The following SLAIN2 variants were observed in gnomAD, a reference collection of about 807,000 sequenced individuals.
SLAIN2 encodes the protein SLAIN family member 2.
Under a neutral mutation model 56.6 loss-of-function variants are expected in SLAIN2, and 31 were observed. The observed-to-expected ratio is 0.55, with a 90% CI of 0.41 to 0.74. The LOEUF is 0.74. Among genes scored for constraint, SLAIN2 ranks in the 30% least tolerant of loss-of-function variants. SLAIN2 has a pLI of 0.00. For synonymous variants in SLAIN2, 317 were observed against 284.9 expected, an observed-to-expected ratio of 1.11 and a Z score of -1.13; for missense variants, 777 against 754.2, an observed-to-expected ratio of 1.03 and a Z score of -0.35.
chr4:48,398,132 T>G (rs1716455923), intron 6 of SLAIN2, among the ~76,000 whole-genome samples: 1 of 152,190 alleles, frequency 6.6e-6, no homozygotes, highest in Admixed American at 6.5e-5. Context: ...ACCAGCAGTC[T>G]AAGTGTTCCT....
chr4:48,420,953 TG>T (rs1717130641), intron 7 of SLAIN2, among the ~76,000 whole-genome samples: 1 of 152,146 alleles, frequency 6.6e-6, no homozygotes, highest in Admixed American at 6.6e-5. Flanking sequence ...AGATCTGTTA[TG>T]AGGCCCAGAA....
At chr4:48,391,740 G>A (rs551825627) in intron 6 of SLAIN2, among the ~76,000 whole-genome samples, 10 of 152,272 alleles carry the variant, frequency 6.6e-5, no homozygotes, top group African/African-American at 2.4e-4. Context: ...TTATTTAGGA[G>A]ACAACAGGAA....
chr4:48,418,677 G>C (rs1008953161), intron 6 of SLAIN2, among the ~76,000 whole-genome samples: 34 of 152,046 alleles, frequency 2.2e-4, no homozygotes, highest in African/African-American at 8.2e-4. Flanking sequence ...AATGAATTGG[G>C]ACATGTTCTT....
At position 48,422,102 on chromosome 4, in the gene SLAIN2, T is replaced by C. The variant is rs756687611; in HGVS notation, c.*25T>C. ...ACCAGCAAAGACAAGAATGCAGAAG[T>C]CCACGGCTTCATGGATACCCTTCAC... On this transcript the variant is annotated 3_prime_UTR_variant, in exon 8 of 8. Coordinates refer to ENST00000264313, the MANE Select transcript of SLAIN2 (RefSeq NM_020846.2). The C allele has an allele frequency of 6.3e-7, 1 of 1,593,104 alleles. No individual in the cohort carries two copies. The highest frequency in any genetic ancestry group is 1.1e-5 in the South Asian group (1 of 88,302).
At chr4:48,374,927 G>A (rs1715764677) in intron 2 of SLAIN2, among the ~76,000 whole-genome samples, 1 of 152,202 alleles carries the variant, frequency 6.6e-6, no homozygotes, top group Admixed American at 6.5e-5. Flanking sequence ...AAGATCATGA[G>A]TTGATCTTAT....
At chr4:48,403,106 G>C (rs945815365) in intron 6 of SLAIN2, among the ~76,000 whole-genome samples, 6 of 152,198 alleles carry the variant, frequency 3.9e-5, no homozygotes, top group African/African-American at 1.4e-4. Context: ...TCCGTCCCAG[G>C]GGGACACTGA....
At chr4:48,364,796 G>T (rs1715464054) in intron 1 of SLAIN2, among the ~76,000 whole-genome samples, 1 of 142,308 alleles carries the variant, frequency 7.0e-6, no homozygotes, top group African/African-American at 2.6e-5. Flanking sequence ...GGAGGTTGCA[G>T]TGTGCCGAGA....
Position 48,426,147 on chromosome 4 carries a change from T to G in SLAIN2, c.*4070T>G, listed in dbSNP as rs1717292601. 1 of 142,224 alleles carries G rather than the reference T, an allele frequency of 7.0e-6. No individual in the cohort carries two copies. The highest frequency in any genetic ancestry group is 1.6e-5 in the Non-Finnish European group (1 of 63,818). 8.8% of individuals were successfully genotyped at this position (142,224 alleles called of 1,614,324 possible). A position where few individuals can be genotyped will look rare whatever the true frequency, so the allele number is the denominator to read the frequency against. ...ATGTTAAGTGGAAGGGTAGAAGGTC[T>G]TTTTTTTTTTAAGGAGAAAATGTTT... On this transcript the variant is annotated 3_prime_UTR_variant, in exon 8 of 8. Transcript: ENST00000264313.
chr4:48,352,946 G>C (rs535161724), intron 1 of SLAIN2, among the ~76,000 whole-genome samples: 2 of 152,072 alleles, frequency 1.3e-5, no homozygotes, highest in African/African-American at 4.8e-5. Context: ...GTTAACTCTC[G>C]CAAGATCTGA....
chr4:48,385,053 G>A (rs1213500879), intron 6 of SLAIN2, among the ~76,000 whole-genome samples: 1 of 152,116 alleles, frequency 6.6e-6, no homozygotes, highest in Non-Finnish European at 1.5e-5. Flanking sequence ...TGAGACTGTT[G>A]AATTAAGGAA....
chr4:48,368,758 G>A (rs1012844560), intron 1 of SLAIN2, among the ~76,000 whole-genome samples: 2 of 152,122 alleles, frequency 1.3e-5, no homozygotes, highest in African/African-American at 4.8e-5. Context: ...AATTTGGATT[G>A]TAGACTAAAG....
At chr4:48,400,388 C>CTTTTTTTT (rs3081372) in intron 6 of SLAIN2, among the ~76,000 whole-genome samples, 2 of 96,444 alleles carry the variant, frequency 2.1e-5, no homozygotes, top group African/African-American at 4.3e-5. Flanking sequence ...TTTGATTCTT[C>CTTTTTTTT]TTTTTTTTTT....
At chr4:48,365,357 C>G (rs1715485582) in intron 1 of SLAIN2, among the ~76,000 whole-genome samples, 1 of 143,994 alleles carries the variant, frequency 6.9e-6, no homozygotes, top group Non-Finnish European at 1.5e-5. Flanking sequence ...GTAATCCTAG[C>G]TACTCGGGAG....
At chr4:48,348,810 A>G (rs1400506607) in intron 1 of SLAIN2, among the ~76,000 whole-genome samples, 1 of 152,150 alleles carries the variant, frequency 6.6e-6, no homozygotes, top group Non-Finnish European at 1.5e-5. Context: ...CATTTCTCTG[A>G]ATATCCTCAG....
At chr4:48,383,573 T>G in intron 5 of SLAIN2, 74 bp from the exon 6 acceptor site, 1 of 1,283,474 alleles carries the variant, frequency 7.8e-7, no homozygotes, top group East Asian at 2.6e-5. Context: ...ATTTGATTTT[T>G]GAATGCTAGT....
intron 1 of SLAIN2, among the ~76,000 whole-genome samples, chr4:48,368,513 TTTA>T (rs1264163717): frequency 6.6e-6 from 1 of 152,112 alleles, no homozygotes; most frequent in Non-Finnish European, 1.5e-5. Flanking sequence ...ATAAAATGGT[TTTA>T]TTATTGTTAT....
chr4:48,407,270 T>A (rs6844211), intron 6 of SLAIN2, among the ~76,000 whole-genome samples: 1 of 151,968 alleles, frequency 6.6e-6, no homozygotes, highest in South Asian at 2.1e-4. Flanking sequence ...CTCCTTAGTC[T>A]TCTTCTTAAA....
chr4:48,377,217 C>T (rs1442585256), intron 2 of SLAIN2, among the ~76,000 whole-genome samples: 1 of 151,804 alleles, frequency 6.6e-6, no homozygotes, highest in Non-Finnish European at 1.5e-5. Flanking sequence ...GAGTCTCACT[C>T]TGTCGCCCAG....
chr4:48,392,052 TAGAA>T (rs1432111077), intron 6 of SLAIN2, among the ~76,000 whole-genome samples: 1 of 152,120 alleles, frequency 6.6e-6, no homozygotes, highest in East Asian at 1.9e-4. Context: ...ACTCTATTAT[TAGAA>T]AGATTCAGAG....
Sources: allele counts gnomAD v4.1 joint callset (sites outside exome capture counted in the v4.1 genomes callset), GRCh38; gene constraint gnomAD v4.1.1; transcripts MANE v1.5; gene names NCBI Gene and HGNC (gene_info 2026-07-23, HGNC 2026-07-21).